KLHL14: variants seen among roughly 807,000 people sequenced by gnomAD.
KLHL14 encodes kelch like family member 14.
Under a neutral mutation model 64.3 loss-of-function variants are expected in KLHL14, and 22 were observed. The ratio of observed to expected loss-of-function variants is 0.34; its 90% CI spans 0.24 to 0.49. KLHL14 has a LOEUF of 0.49. Ranked by LOEUF, KLHL14 falls within the 20% of genes least tolerant of loss-of-function variation. The pLI is 0.99. For missense variants in KLHL14, 661 were observed against 789.0 expected, an observed-to-expected ratio of 0.84 and a Z score of 1.94; for synonymous variants, 322 against 333.4, an observed-to-expected ratio of 0.97 and a Z score of 0.37.
chr18:32,738,843 C>T (rs1260107960), intron 3 of KLHL14: 1 of 152,084 alleles, frequency 6.6e-6, no homozygotes, highest in African/African-American at 2.4e-5. Context: ...TAAGTGTACC[C>T]CTTACATCGT....
At position 32,769,728 on chromosome 18, in the gene KLHL14, C is replaced by A. The variant is rs17851892; in HGVS notation, c.864G>T (p.Pro288=). 6.3e-7 allele frequency: 1 copy of A among 1,592,204 alleles called. No individual in the cohort carries two copies. Among genetic ancestry groups the A allele is most frequent in the Non-Finnish European group, 8.6e-7 (1 of 1,167,036 alleles). ...VQSVDFMRTD[P]VCQKLLLDAM... is the part of the protein sequence containing the mutation. ...CGTCCAGCAGCAGCTTCTGGCAGAC[C>A]GGGTCGGTTCGCATGAAATCCACTG... Residue 288 remains proline (P), a synonymous_variant, in exon 2 of 9, where the codon CCG becomes CCT. Coordinates refer to ENST00000359358, the MANE Select transcript of KLHL14 (RefSeq NM_020805.3).
chr18:32,749,941 T>G (rs929426722), intron 2 of KLHL14, among the ~76,000 whole-genome samples: 1 of 152,058 alleles, frequency 6.6e-6, no homozygotes. Flanking sequence ...CTCATAGTTT[T>G]GGAGGCTGAA....
At chr18:32,693,405 CACACACACAGAG>C (rs1224320389) in intron 4 of KLHL14, among the ~76,000 whole-genome samples, 58 of 120,918 alleles carry the variant, frequency 4.8e-4, no homozygotes, top group Non-Finnish European at 2.5e-4. Context: ...CACACACACA[CACACACACAGAG>C]AGAGAGAGAG....
chr18:32,747,276 T>C (rs1486142552), intron 2 of KLHL14, among the ~76,000 whole-genome samples: 1 of 152,218 alleles, frequency 6.6e-6, no homozygotes, highest in Non-Finnish European at 1.5e-5. Context: ...TTCAGGATGA[T>C]TCAAATGCAG....
At chr18:32,735,606 G>T (rs2050162063) in intron 3 of KLHL14, among the ~76,000 whole-genome samples, 1 of 152,060 alleles carries the variant, frequency 6.6e-6, no homozygotes, top group African/African-American at 2.4e-5. Context: ...AGTTGTCAGT[G>T]CAAATGCCAT....
chr18:32,737,763 A>G (rs1171597265), intron 3 of KLHL14: 2 of 152,132 alleles, frequency 1.3e-5, no homozygotes, highest in African/African-American at 4.8e-5. Flanking sequence ...TTTATTTTCC[A>G]TGACTGAACA....
At chr18:32,690,681 A>G (rs1042663950) in intron 4 of KLHL14, among the ~76,000 whole-genome samples, 2 of 152,170 alleles carry the variant, frequency 1.3e-5, no homozygotes, top group African/African-American at 4.8e-5. Context: ...GTGAGCCAAG[A>G]TCGCACCACT....
intron 5 of KLHL14, among the ~76,000 whole-genome samples, chr18:32,686,946 C>A (rs1325840133): frequency 6.6e-6 from 1 of 151,996 alleles, no homozygotes; most frequent in African/African-American, 2.4e-5. Context: ...CATTTTTTTT[C>A]TTCCTACATT....
At chr18:32,720,227 G>A (rs1169502749) in intron 3 of KLHL14, among the ~76,000 whole-genome samples, 2 of 152,164 alleles carry the variant, frequency 1.3e-5, no homozygotes, top group African/African-American at 4.8e-5. Flanking sequence ...TAAAGAGTTG[G>A]ATTTCATCTT....
Position 32,674,605 on chromosome 18 carries a change from C to T in KLHL14, c.*52G>A, listed in dbSNP as rs560581427. The T allele has an allele frequency of 1.2e-4, 95 of 766,198 alleles. 1 individual carries two copies. Among genetic ancestry groups the T allele is most frequent in the South Asian group, 8.4e-4 (61 of 72,968 alleles). The allele number at this position is 766,198 out of a possible 1,614,324, so 47.5% of individuals were successfully genotyped here. A position where few individuals can be genotyped will look rare whatever the true frequency, so the allele number is the denominator to read the frequency against. On this transcript the variant is annotated 3_prime_UTR_variant, in exon 9 of 9. Transcript: ENST00000359358. The stretch of plus-strand genomic sequence containing the variant: ...TGTTCCTATTATAATAGTGATGTCA[C>T]CTGCCATTGCTTCCTAGAATGTGAT...
At chr18:32,765,340 C>T (rs961904925) in intron 2 of KLHL14, among the ~76,000 whole-genome samples, 2 of 152,132 alleles carry the variant, frequency 1.3e-5, no homozygotes, top group Non-Finnish European at 2.9e-5. Context: ...AAAATACAAG[C>T]ATGAATTAAA....
At chr18:32,707,630 C>G (rs1171050373) in intron 3 of KLHL14, among the ~76,000 whole-genome samples, 1 of 152,210 alleles carries the variant, frequency 6.6e-6, no homozygotes, top group Admixed American at 6.5e-5. Flanking sequence ...TGACCAGCCC[C>G]CAATAAAACC....
intron 2 of KLHL14, among the ~76,000 whole-genome samples, chr18:32,769,018 AC>A: frequency 6.6e-6 from 1 of 152,252 alleles, no homozygotes; most frequent in East Asian, 1.9e-4. Context: ...GCTTTCCACA[AC>A]ATAGAAAAGT....
At chr18:32,734,144 A>G (rs992820327) in intron 3 of KLHL14, 2 of 702,630 alleles carry the variant, frequency 2.8e-6, no homozygotes, top group African/African-American at 3.5e-5. Flanking sequence ...TATAATTATG[A>G]TAGTCACATT....
chr18:32,720,643 A>T (rs774880263), intron 3 of KLHL14, among the ~76,000 whole-genome samples: 3 of 152,068 alleles, frequency 2.0e-5, no homozygotes, highest in Non-Finnish European at 4.4e-5. Context: ...GGGGCTTGGG[A>T]TGACATGCGG....
At chr18:32,757,170 A>G (rs574222648) in intron 2 of KLHL14, among the ~76,000 whole-genome samples, 3 of 152,332 alleles carry the variant, frequency 2.0e-5, no homozygotes, top group Non-Finnish European at 4.4e-5. Context: ...AGCCCAAGAA[A>G]CAATTTGTTG....
chr18:32,751,238 CTT>C (rs72518568), intron 2 of KLHL14, among the ~76,000 whole-genome samples: 2,879 of 152,304 alleles, frequency 0.019, 91 homozygotes, highest in African/African-American at 0.066. Flanking sequence ...CTACCCTTCT[CTT>C]AAAATTTTCC....
chr18:32,724,831 A>C (rs16963802), intron 3 of KLHL14, among the ~76,000 whole-genome samples: 8,151 of 152,198 alleles, frequency 0.054, 667 homozygotes, highest in African/African-American at 0.18. Context: ...AGTTTGGACA[A>C]ATTATTAATC....
At position 32,708,462 on chromosome 18, in the gene KLHL14, CTTAG is replaced by C. The variant is rs1425813324; in HGVS notation, c.1070-12914_1070-12911del. On this transcript the variant is annotated intron_variant, in intron 3 of 8. Transcript: ENST00000359358. Reference sequence around the variant, plus strand: ...GATAGGAGAAATCACTGGAGTTTGGCTTAGTTAGGTAGCAGCGTGCCCTATTCAA... The same window carrying C: ...GATAGGAGAAATCACTGGAGTTTGGCTTAGGTAGCAGCGTGCCCTATTCAA... Among the ~76,000 whole-genome samples the C allele has an allele frequency of 5.3e-5, 8 of 152,318 alleles. No homozygotes were observed. The East Asian group carries it at 1.5e-3, about 29-fold the overall frequency.
Sources: allele counts gnomAD v4.1 joint callset (sites outside exome capture counted in the v4.1 genomes callset), GRCh38; gene constraint gnomAD v4.1.1; transcripts MANE v1.5; gene names NCBI Gene and HGNC (gene_info 2026-07-23, HGNC 2026-07-21).